The following SLC4A1AP variants were observed in gnomAD, a reference collection of about 807,000 sequenced individuals.
The protein encoded by SLC4A1AP is kanadaptin.
In SLC4A1AP, 64 loss-of-function variants were observed where a neutral mutation model predicts 89.7. The ratio of observed to expected loss-of-function variants is 0.71; its 90% CI spans 0.58 to 0.88. SLC4A1AP has a LOEUF of 0.88. Among genes scored for constraint, SLC4A1AP ranks in the 40% least tolerant of loss-of-function variants. SLC4A1AP has a pLI of 0.00. For synonymous variants in SLC4A1AP, 366 were observed against 353.3 expected, an observed-to-expected ratio of 1.04 and a Z score of -0.40; for missense variants, 931 against 965.0, an observed-to-expected ratio of 0.96 and a Z score of 0.47.
chr2:27,687,384 A>T (rs1042561577), intron 10 of SLC4A1AP, among the ~76,000 whole-genome samples: 1 of 151,984 alleles, frequency 6.6e-6, no homozygotes, highest in Non-Finnish European at 1.5e-5. Context: ...GGAGTTTGAA[A>T]CCAGCCTGGA....
exon 13 of SLC4A1AP, chr2:27,693,733 T>C: frequency 6.2e-7 from 1 of 1,612,604 alleles, no homozygotes; most frequent in Non-Finnish European, 8.5e-7. Context: ...CCCAGACTAC[T>C]GTGTGTGGGT....
chr2:27,694,857 G>A, exon 14 of SLC4A1AP: 2 of 447,632 alleles, frequency 4.5e-6, no homozygotes, highest in Non-Finnish European at 8.2e-6. Context: ...TGATTCTCAT[G>A]CATTTGATAT....
At chr2:27,693,444 A>G (rs1419649987) in intron 12 of SLC4A1AP, 2 of 458,470 alleles carry the variant, frequency 4.4e-6, no homozygotes, top group Non-Finnish European at 7.7e-6. Flanking sequence ...AAGATTTAGA[A>G]CTCCTTTTTG....
In SLC4A1AP at chr2:27,691,357, G is replaced by A. The variant is rs370678005; in HGVS notation, c.2272-2328G>A. Among the ~76,000 whole-genome samples, 15 of 151,986 alleles carry A rather than the reference G, an allele frequency of 9.9e-5. No individual in the cohort carries two copies. In the South Asian group the frequency reaches 2.9e-3, roughly 30 times the overall value. ...AGAGGTGTTCATAGTAGTCTCAAAG[G>A]ATCTTTTGTATTTCTGTGGTGTTGC... On this transcript the variant is annotated intron_variant, in intron 12 of 13. Transcript: ENST00000613058.
intron 9 of SLC4A1AP, among the ~76,000 whole-genome samples, chr2:27,683,884 C>T (rs976918558): frequency 2.0e-5 from 3 of 152,034 alleles, no homozygotes; most frequent in African/African-American, 7.2e-5. Flanking sequence ...TACAGGCACC[C>T]ACCACCACGC....
intron 9 of SLC4A1AP, among the ~76,000 whole-genome samples, chr2:27,683,468 T>A (rs1675652457): frequency 6.6e-6 from 1 of 152,216 alleles, no homozygotes; most frequent in African/African-American, 2.4e-5. Flanking sequence ...GCCCTCTTGC[T>A]GGCTCTTCAG....
exon 1 of SLC4A1AP, chr2:27,664,201 G>C: frequency 6.2e-7 from 1 of 1,614,074 alleles, no homozygotes; most frequent in Non-Finnish European, 8.5e-7. Flanking sequence ...GGTCCAGCCC[G>C]GGCTCCCCCC....
chr2:27,679,574 C>T (rs866224037), intron 8 of SLC4A1AP, among the ~76,000 whole-genome samples: 2 of 152,032 alleles, frequency 1.3e-5, no homozygotes, highest in African/African-American at 4.8e-5. Context: ...TGCACTCTAG[C>T]CTGGGCGACA....
chr2:27,664,078 A>G, exon 1 of SLC4A1AP: 1 of 1,614,172 alleles, frequency 6.2e-7, no homozygotes, highest in Non-Finnish European at 8.5e-7. Context: ...ACTGCGTTGC[A>G]GGACTCCAAT....
intron 5 of SLC4A1AP, among the ~76,000 whole-genome samples, chr2:27,672,033 A>T (rs1468695081): frequency 6.6e-6 from 1 of 152,110 alleles, no homozygotes; most frequent in Non-Finnish European, 1.5e-5. Flanking sequence ...TCAGATTTTG[A>T]TCCTATTGTA....
chr2:27,664,529 T>G, exon 1 of SLC4A1AP: 1 of 1,614,082 alleles, frequency 6.2e-7, no homozygotes, highest in South Asian at 1.1e-5. Flanking sequence ...GAGTCCACGT[T>G]GGGCATGTTG....
At chr2:27,681,482 T>G (rs1675618766) in intron 8 of SLC4A1AP, among the ~76,000 whole-genome samples, 1 of 152,164 alleles carries the variant, frequency 6.6e-6, no homozygotes, top group Admixed American at 6.6e-5. Context: ...ATGGTCAATA[T>G]GAAGAAAACA....
chr2:27,685,197 C>T (rs1225088294), exon 10 of SLC4A1AP: 1 of 1,614,030 alleles, frequency 6.2e-7, no homozygotes, highest in Non-Finnish European at 8.5e-7. Context: ...AGGCCACAGC[C>T]AGAGATAGAG....
At chr2:27,663,997 C>G (rs770316400) in exon 1 of SLC4A1AP, 1 of 1,614,090 alleles carries the variant, frequency 6.2e-7, no homozygotes, top group South Asian at 1.1e-5. Flanking sequence ...CTGCCGGTGT[C>G]CCCAGCGGCG....
intron 3 of SLC4A1AP, 90 bp downstream of exon 3, chr2:27,667,480 T>C (rs1372024539): frequency 8.2e-7 from 1 of 1,216,388 alleles, no homozygotes; most frequent in East Asian, 2.6e-5. Flanking sequence ...TACTAAGATA[T>C]GCTATAATTT....
At chr2:27,685,053 G>T (rs139206651) in exon 10 of SLC4A1AP, 2 of 1,609,368 alleles carry the variant, frequency 1.2e-6, no homozygotes, top group Non-Finnish European at 1.7e-6. Context: ...CCCCCCAAGC[G>T]TCCAGAACTC....
chr2:27,679,880 G>A (rs748055303), intron 8 of SLC4A1AP, among the ~76,000 whole-genome samples: 31 of 152,152 alleles, frequency 2.0e-4, no homozygotes, highest in Non-Finnish European at 3.5e-4. Context: ...TATTAAGAGA[G>A]TGCTCTCAGG....
At chr2:27,669,469 G>A in intron 5 of SLC4A1AP, 82 bp downstream of exon 5, 42 of 1,300,786 alleles carry the variant, frequency 3.2e-5, no homozygotes, top group South Asian at 1.1e-4. Context: ...CTTTATGGGG[G>A]GAAAATGTAA....
intron 8 of SLC4A1AP, among the ~76,000 whole-genome samples, chr2:27,680,653 G>A (rs540216472): frequency 1.3e-5 from 2 of 152,062 alleles, no homozygotes; most frequent in African/African-American, 2.4e-5. Context: ...GCTGGGTATG[G>A]TGGTGCTTGT....
Sources: gnomAD v4.1 joint callset for allele counts (sites outside exome capture counted in the v4.1 genomes callset) on GRCh38, gnomAD v4.1.1 for gene constraint, MANE v1.5 for transcripts, NCBI Gene and HGNC (gene_info 2026-07-23, HGNC 2026-07-21) for gene names.